CDH12: variants seen among roughly 807,000 people sequenced by gnomAD.
The protein encoded by CDH12 is cadherin-12.
Under a neutral mutation model 74.1 loss-of-function variants are expected in CDH12, and 41 were observed. That is an observed-to-expected ratio of 0.55 (90% CI 0.43 to 0.72). The LOEUF is 0.72. CDH12 is among the 30% of genes least tolerant of loss of function. The pLI, the probability that CDH12 is intolerant of heterozygous loss-of-function variation, is 0.00. For missense variants in CDH12, 945 were observed against 977.2 expected, an observed-to-expected ratio of 0.97 and a Z score of 0.44; for synonymous variants, 399 against 355.0, an observed-to-expected ratio of 1.12 and a Z score of -1.39.
intron 6 of CDH12, among the ~76,000 whole-genome samples, chr5:21,869,509 A>C (rs1460543506): frequency 6.6e-6 from 1 of 152,194 alleles, no homozygotes; most frequent in Non-Finnish European, 1.5e-5. Flanking sequence ...GTGTATTTAT[A>C]CATATATTAA....
At chr5:22,501,665 A>C (rs899789108) in intron 2 of CDH12, among the ~76,000 whole-genome samples, 2 of 152,030 alleles carry the variant, frequency 1.3e-5, no homozygotes, top group Non-Finnish European at 2.9e-5. Flanking sequence ...TGCTAATTGC[A>C]ACTCTAACAA....
intron 4 of CDH12, among the ~76,000 whole-genome samples, chr5:22,087,850 A>G (rs1173616145): frequency 2.0e-5 from 3 of 152,186 alleles, no homozygotes; most frequent in Non-Finnish European, 4.4e-5. Flanking sequence ...ATGCTCCTAC[A>G]GGGATAGATT....
At chr5:22,490,568 GA>G (rs138032527) in intron 2 of CDH12, among the ~76,000 whole-genome samples, 8,926 of 140,504 alleles carry the variant, frequency 0.064, 368 homozygotes, top group East Asian at 0.21. Flanking sequence ...AGATGAAAAT[GA>G]AAAAAAAAAA....
rs562973167 is a variant in CDH12 at position 21,785,168 on chromosome 5, A to AT, written c.1257-1675dup. ...AAATTATTTTGAATAAGAGTGAATT[A>AT]TTTTGAGGCAAATGAACTGCACCCA... is the stretch of plus-strand genomic sequence containing the variant. On this transcript the variant is annotated intron_variant, in intron 10 of 14. Transcript: ENST00000382254. 8.4e-4 allele frequency among the ~76,000 whole-genome samples: 128 copies of AT among 152,310 alleles called. 1 individual carries two copies. Among genetic ancestry groups the AT allele is most frequent in the Non-Finnish European group, 1.5e-3 (104 of 68,030 alleles).
chr5:21,967,843 T>C (rs1161744471), intron 6 of CDH12, among the ~76,000 whole-genome samples: 1 of 152,200 alleles, frequency 6.6e-6, no homozygotes, highest in African/African-American at 2.4e-5. Flanking sequence ...CTGCGTGCAG[T>C]GGACACTTCA....
At chr5:21,951,751 T>G (rs575082966) in intron 6 of CDH12, among the ~76,000 whole-genome samples, 1 of 152,256 alleles carries the variant, frequency 6.6e-6, no homozygotes, top group African/African-American at 2.4e-5. Flanking sequence ...AGTACTTCAC[T>G]GCACTATCTT....
intron 1 of CDH12, among the ~76,000 whole-genome samples, chr5:22,640,828 G>C (rs1394534577): frequency 6.6e-6 from 1 of 152,034 alleles, no homozygotes; most frequent in Admixed American, 6.6e-5. Flanking sequence ...GAGTTTCCCT[G>C]CTTATTCTCT....
At chr5:22,558,972 C>T (rs1353814425) in intron 1 of CDH12, among the ~76,000 whole-genome samples, 1 of 152,066 alleles carries the variant, frequency 6.6e-6, no homozygotes, top group Non-Finnish European at 1.5e-5. Context: ...AAAGATGCCA[C>T]TGCTTGTATG....
rs1744088442 is a variant in CDH12, at chr5:21,751,818, CAGAT to C, written c.2300_2303del (p.Tyr767Ter). ...CTTTAAAGCGGGGTCCCCAGTCTGTCAGATAGTCATAGTCCTGGTCGGCTTCTGT... is the reference window on the plus strand; with the variant it reads ...CTTTAAAGCGGGGTCCCCAGTCTGTCAGTCATAGTCCTGGTCGGCTTCTGT... On this transcript the variant is annotated frameshift_variant, in exon 15 of 15. Transcript: ENST00000382254. LOFTEE classifies it high-confidence loss of function. The C allele has an allele frequency of 5.0e-6, 8 of 1,614,072 alleles. No homozygotes were observed. Among genetic ancestry groups the C allele is most frequent in the Non-Finnish European group, 6.8e-6 (8 of 1,180,006 alleles).
intron 1 of CDH12, among the ~76,000 whole-genome samples, chr5:22,565,459 T>A (rs893852869): frequency 1.6e-4 from 24 of 152,238 alleles, no homozygotes; most frequent in African/African-American, 5.8e-4. Context: ...TATTTATATA[T>A]TTTTACAATT....
At chr5:22,108,671 T>A (rs1218810296) in intron 4 of CDH12, among the ~76,000 whole-genome samples, 1 of 152,214 alleles carries the variant, frequency 6.6e-6, no homozygotes, top group South Asian at 2.1e-4. Context: ...ACTCATCATA[T>A]GGGCAACTTA....
chr5:21,764,402 A>G (rs1271267161), intron 12 of CDH12, among the ~76,000 whole-genome samples: 1 of 150,902 alleles, frequency 6.6e-6, no homozygotes, highest in Non-Finnish European at 1.5e-5. Context: ...CAAATTAAAA[A>G]AAAGAAAGAA....
intron 1 of CDH12, among the ~76,000 whole-genome samples, chr5:22,705,491 A>ACACG (rs1200450541): frequency 8.9e-6 from 1 of 112,710 alleles, no homozygotes; most frequent in East Asian, 2.6e-4. Context: ...TAAGAAATCA[A>ACACG]CACACATGCA....
chr5:22,120,446 T>A (rs1745441016), intron 4 of CDH12, among the ~76,000 whole-genome samples: 4 of 152,138 alleles, frequency 2.6e-5, no homozygotes, highest in African/African-American at 7.2e-5. Flanking sequence ...AAGCAATTGG[T>A]TATTCAAGCT....
intron 5 of CDH12, among the ~76,000 whole-genome samples, chr5:21,976,449 T>C (rs1339627619): frequency 1.3e-5 from 2 of 151,004 alleles, no homozygotes; most frequent in Non-Finnish European, 3.0e-5. Flanking sequence ...AATAAATATA[T>C]ACATAAAATA....
intron 1 of CDH12, among the ~76,000 whole-genome samples, chr5:22,819,949 G>A (rs12187076): frequency 6.9e-6 from 1 of 144,668 alleles, no homozygotes; most frequent in Non-Finnish European, 1.5e-5. Context: ...ATGTATGTGT[G>A]TATATATATA....
intron 2 of CDH12, among the ~76,000 whole-genome samples, chr5:22,488,945 G>A (rs1372535438): frequency 6.6e-6 from 1 of 150,664 alleles, no homozygotes; most frequent in Non-Finnish European, 1.5e-5. Context: ...TCATTTCTAT[G>A]CTTGCATGTC....
chr5:21,800,625 A>G (rs981372596), intron 10 of CDH12, among the ~76,000 whole-genome samples: 2 of 152,142 alleles, frequency 1.3e-5, no homozygotes, highest in Non-Finnish European at 2.9e-5. Flanking sequence ...TGGACTGTCT[A>G]GCCTCCAGAA....
At chr5:22,245,457 A>C (rs1752911986) in intron 3 of CDH12, among the ~76,000 whole-genome samples, 1 of 152,130 alleles carries the variant, frequency 6.6e-6, no homozygotes, top group Non-Finnish European at 1.5e-5. Context: ...TAACATTTAA[A>C]AATATAATCT....
Sources: allele counts gnomAD v4.1 joint callset (sites outside exome capture counted in the v4.1 genomes callset), GRCh38; gene constraint gnomAD v4.1.1; transcripts MANE v1.5; gene names NCBI Gene and HGNC (gene_info 2026-07-23, HGNC 2026-07-21).